Variants in LRCH2 observed in about 807,000 individuals in gnomAD.
LRCH2 encodes leucine rich repeats and calponin homology domain containing 2.
A neutral mutation model predicts 68.9 loss-of-function variants in LRCH2; 38 were observed. The ratio of observed to expected loss-of-function variants is 0.55; its 90% CI spans 0.43 to 0.72. LRCH2 has a LOEUF of 0.72. Among genes scored for constraint, LRCH2 ranks in the 30% least tolerant of loss-of-function variants. The probability of loss-of-function intolerance (pLI) is 0.00; values close to 1 mark genes in which losing one functional copy is unlikely to be tolerated. For missense variants in LRCH2, 528 were observed against 572.9 expected (o/e 0.92, Z 0.80); for synonymous variants, 191 against 208.1 (o/e 0.92, Z 0.71).
chrX:115,125,596 CATATATATACGTATATATATATGT>C (rs1290218542), intron 16 of LRCH2, among the ~76,000 whole-genome samples: 8 of 18,782 alleles, frequency 4.3e-4, no homozygotes, highest in Non-Finnish European at 5.6e-4. Context: ...TATATATACA[CATATATATACGTATATATATATGT>C]ATATATATAC....
intron 20 of LRCH2, among the ~76,000 whole-genome samples, chrX:115,117,671 C>G (rs372336903): frequency 9.0e-6 from 1 of 111,267 alleles, no homozygotes; most frequent in Non-Finnish European, 1.9e-5. Flanking sequence ...AATAATTATG[C>G]TGAGTGAAAG....
intron 14 of LRCH2, among the ~76,000 whole-genome samples, chrX:115,137,458 G>T (rs1205284267): frequency 9.2e-6 from 1 of 108,158 alleles, no homozygotes. Flanking sequence ...ATAAAATGAG[G>T]ATCAGACCCT....
chrX:115,151,672 T>A (rs1284679985), intron 12 of LRCH2, among the ~76,000 whole-genome samples: 1 of 111,572 alleles, frequency 9.0e-6, no homozygotes, highest in African/African-American at 3.3e-5. Flanking sequence ...TGACCAGATT[T>A]ATATCCTGAC....
chrX:115,173,934 TG>T (rs1475974833), intron 5 of LRCH2, among the ~76,000 whole-genome samples: 1 of 112,427 alleles, frequency 8.9e-6, no homozygotes, highest in African/African-American at 3.2e-5. Context: ...TTTTCTTTTC[TG>T]TAGCTTACTT....
At chrX:115,173,504 T>G (rs1292035688) in intron 5 of LRCH2, among the ~76,000 whole-genome samples, 1 of 111,925 alleles carries the variant, frequency 8.9e-6, no homozygotes, top group African/African-American at 3.2e-5. Context: ...GTACCTACTT[T>G]AAACTATTAA....
At chrX:115,117,522 G>A (rs900324876) in intron 20 of LRCH2, among the ~76,000 whole-genome samples, 9 of 111,097 alleles carry the variant, frequency 8.1e-5, no homozygotes, top group African/African-American at 2.3e-4. Context: ...TGTAGCAGCC[G>A]CTAAAACTGG....
chrX:115,216,192 T>TA (rs1303738528), intron 1 of LRCH2, among the ~76,000 whole-genome samples: 5 of 111,873 alleles, frequency 4.5e-5, no homozygotes, highest in Admixed American at 9.6e-5. Flanking sequence ...GCTCACAGTA[T>TA]AATAACTAGA....
chrX:115,196,395 T>C (rs2072887581), intron 1 of LRCH2, among the ~76,000 whole-genome samples: 1 of 111,106 alleles, frequency 9.0e-6, no homozygotes, highest in Admixed American at 9.5e-5. Context: ...ACGACTACAC[T>C]GCCTGCCCCA....
At chrX:115,182,768 G>A (rs1370952468) in intron 3 of LRCH2, among the ~76,000 whole-genome samples, 1 of 103,929 alleles carries the variant, frequency 9.6e-6, no homozygotes, top group Non-Finnish European at 2.0e-5. Flanking sequence ...AGAGGGTGGA[G>A]GTTGCAGTGA....
At chrX:115,232,208 C>G (rs2073157040) in intron 1 of LRCH2, among the ~76,000 whole-genome samples, 1 of 105,116 alleles carries the variant, frequency 9.5e-6, no homozygotes, top group Non-Finnish European at 1.9e-5. Context: ...TAAACTTTGT[C>G]CTGCAGGTAG....
chrX:115,220,823 C>T (rs1194523020), intron 1 of LRCH2, among the ~76,000 whole-genome samples: 5 of 110,773 alleles, frequency 4.5e-5, no homozygotes, highest in Non-Finnish European at 7.5e-5. Context: ...TTTAATGAAG[C>T]GCTAACCTAA....
At chrX:115,185,065 C>A (rs1481655845) in intron 2 of LRCH2, among the ~76,000 whole-genome samples, 2 of 112,102 alleles carry the variant, frequency 1.8e-5, no homozygotes, top group Admixed American at 1.9e-4. Flanking sequence ...ATGTAGTAAC[C>A]CTAACCCATT....
chrX:115,158,877 A>G (rs782104630), intron 11 of LRCH2, among the ~76,000 whole-genome samples: 1 of 111,995 alleles, frequency 8.9e-6, no homozygotes, highest in East Asian at 2.8e-4. Context: ...TTACGCCCCC[A>G]AAGAAAATCA....
intron 1 of LRCH2, among the ~76,000 whole-genome samples, chrX:115,200,309 G>T (rs1468159274): frequency 2.7e-5 from 3 of 109,693 alleles, no homozygotes; most frequent in African/African-American, 1.0e-4. Flanking sequence ...AATGAAATAG[G>T]GACCAAAGAA....
At position 115,190,635 on chromosome X, in the gene LRCH2, C is replaced by T. The variant is rs782060280; in HGVS notation, c.350-2265G>A. 7.0e-4 allele frequency: 812 copies of T among 1,155,301 alleles called. 1 individual carries two copies. The highest frequency in any genetic ancestry group is 8.5e-4 in the Non-Finnish European group (733 of 864,736). ...AGGAGTACAGAGGCCGCTCGCCCGA[C>T]GCCCACAGCGGGGGCCGCAACAGTT... On this transcript the variant is annotated intron_variant, in intron 1 of 20. Coordinates refer to ENST00000317135, the MANE Select transcript of LRCH2 (RefSeq NM_020871.4).
At chrX:115,179,340 T>G in intron 5 of LRCH2, 87 bp downstream of exon 5, 1 of 794,105 alleles carries the variant, frequency 1.3e-6, no homozygotes, top group Non-Finnish European at 1.7e-6. Context: ...TGGCTCTTGA[T>G]TTAGGTGCTT....
chrX:115,174,721 T>C lies in LRCH2; in HGVS notation c.865-4289A>G, dbSNP rs986574543. On this transcript the variant is annotated intron_variant, in intron 5 of 20. Transcript: ENST00000317135. ...AATGAACATGGGAGTGCAGATTATT[T>C]CTTTAAGATGGTGATTTCATTTCCT... Among the ~76,000 whole-genome samples the C allele has an allele frequency of 2.7e-5, 3 of 111,027 alleles. No individual in the cohort carries two copies. The South Asian group carries it at 1.2e-3, about 43-fold the overall frequency.
intron 5 of LRCH2, among the ~76,000 whole-genome samples, chrX:115,173,666 C>CA (rs2072622866): frequency 9.0e-6 from 1 of 111,455 alleles, no homozygotes; most frequent in Non-Finnish European, 1.9e-5. Context: ...ACTGAACTCC[C>CA]AAATTTAAGG....
At chrX:115,116,741 C>T (rs1473832553) in intron 20 of LRCH2, among the ~76,000 whole-genome samples, 2 of 110,967 alleles carry the variant, frequency 1.8e-5, no homozygotes, top group South Asian at 3.7e-4. Flanking sequence ...AAAAAGAGAA[C>T]TTCAATCCAT....
Sources: gnomAD v4.1 joint callset for allele counts (sites outside exome capture counted in the v4.1 genomes callset) on GRCh38, gnomAD v4.1.1 for gene constraint, MANE v1.5 for transcripts, NCBI Gene and HGNC (gene_info 2026-07-23, HGNC 2026-07-21) for gene names.